Variants in UQCC1 observed in about 807,000 individuals in gnomAD.
UQCC1 encodes ubiquinol-cytochrome c reductase complex assembly factor 1.
Under a neutral mutation model 48.0 loss-of-function variants are expected in UQCC1, and 38 were observed. That is an observed-to-expected ratio of 0.79 (90% CI 0.61 to 1.04). The LOEUF (loss-of-function observed/expected upper bound fraction) is 1.04, where lower values mean the gene tolerates loss of function less well. Ranked by LOEUF, UQCC1 falls within the 50% of genes least tolerant of loss-of-function variation. UQCC1 has a pLI of 0.00. For missense variants in UQCC1, 368 were observed against 381.8 expected, an observed-to-expected ratio of 0.96 and a Z score of 0.30; for synonymous variants, 111 against 129.2, an observed-to-expected ratio of 0.86 and a Z score of 0.95.
chr20:35,337,563 T>C (rs2061328705), intron 7 of UQCC1, among the ~76,000 whole-genome samples: 1 of 152,172 alleles, frequency 6.6e-6, no homozygotes, highest in South Asian at 2.1e-4. Flanking sequence ...GATCTCTGGA[T>C]CAGATTATTT....
intron 9 of UQCC1, among the ~76,000 whole-genome samples, chr20:35,304,922 A>C (rs753882302): frequency 8.5e-5 from 13 of 152,048 alleles, no homozygotes; most frequent in African/African-American, 1.4e-4. Flanking sequence ...CTCTTCCCTA[A>C]AGCCCACTCC....
chr20:35,365,264 A>G lies in UQCC1; in HGVS notation c.464+1293T>C, dbSNP rs545152037. Among the ~76,000 whole-genome samples, 3 of 152,294 alleles carry G rather than the reference A, an allele frequency of 2.0e-5. No homozygotes were observed. The South Asian group carries it at 6.2e-4, about 32-fold the overall frequency. Reference sequence around the variant, plus strand: ...TATAATTGACCATTTTACACATCTTATCTCCCTCACTAGACTGTGAGCTTC... The same window carrying G: ...TATAATTGACCATTTTACACATCTTGTCTCCCTCACTAGACTGTGAGCTTC... On this transcript the variant is annotated intron_variant, in intron 6 of 9. Transcript: ENST00000374385.
chr20:35,314,622 G>T (rs1480278248), intron 8 of UQCC1, 66 bp downstream of exon 8: 6 of 1,372,956 alleles, frequency 4.4e-6, no homozygotes, highest in Non-Finnish European at 6.1e-6. Flanking sequence ...TCCCTCAGAG[G>T]CTCTCATCAA....
At chr20:35,404,348 T>G (rs1206068171) in intron 1 of UQCC1, among the ~76,000 whole-genome samples, 3 of 135,162 alleles carry the variant, frequency 2.2e-5, no homozygotes, top group East Asian at 2.2e-4. Context: ...CCAGCCTGGG[T>G]GACAGAGCGA....
At chr20:35,411,890 T>C (rs1409527268) in intron 1 of UQCC1, 50 bp downstream of exon 1, 5 of 1,613,564 alleles carry the variant, frequency 3.1e-6, no homozygotes, top group Non-Finnish European at 4.2e-6. Flanking sequence ...CTTGTCGAAC[T>C]CCAACCCGGG....
At chr20:35,396,643 T>G (rs1375141431) in intron 1 of UQCC1, among the ~76,000 whole-genome samples, 1 of 152,098 alleles carries the variant, frequency 6.6e-6, no homozygotes, top group African/African-American at 2.4e-5. Flanking sequence ...CAAGAGAGAT[T>G]AAATGGCTGT....
In UQCC1 at chr20:35,367,109, AC is replaced by A. The variant is rs1382023631; in HGVS notation, c.407-496del. 3.1e-4 allele frequency among the ~76,000 whole-genome samples: 46 copies of A among 147,964 alleles called. 4 individuals are homozygous for A. The highest frequency in any genetic ancestry group is 4.1e-4 in the Admixed American group (6 of 14,670). ...ACTCTGTCTAAAAAAAAAAAAAAAA[AC>A]AAACAAAAAAACAACCCATTGAATT... On this transcript the variant is annotated intron_variant, in intron 5 of 9. Coordinates refer to ENST00000374385, the MANE Select transcript of UQCC1 (RefSeq NM_018244.5).
At chr20:35,377,074 C>T (rs2061810817) in intron 4 of UQCC1, among the ~76,000 whole-genome samples, 2 of 151,984 alleles carry the variant, frequency 1.3e-5, no homozygotes, top group Admixed American at 1.3e-4. Context: ...TTCAATAAGG[C>T]CAACCTTATC....
intron 7 of UQCC1, among the ~76,000 whole-genome samples, chr20:35,342,030 A>G (rs1336368361): frequency 6.6e-6 from 1 of 152,202 alleles, no homozygotes; most frequent in Admixed American, 6.5e-5. Context: ...GCAGAATTAC[A>G]CAAGAGTCAA....
chr20:35,411,897 C>T (rs1336276227), intron 1 of UQCC1, 43 bp downstream of exon 1: 2 of 1,613,832 alleles, frequency 1.2e-6, no homozygotes, highest in Admixed American at 3.3e-5. Context: ...AACTCCAACC[C>T]GGGACCCAGA....
At chr20:35,395,503 T>C (rs1418319057) in intron 1 of UQCC1, among the ~76,000 whole-genome samples, 1 of 148,450 alleles carries the variant, frequency 6.7e-6, no homozygotes, top group Non-Finnish European at 1.5e-5. Context: ...GGGCTTATTA[T>C]AAATAAATAA....
rs150992559 is a variant in UQCC1, at chr20:35,390,960, T to C, written c.129+3132A>G. Among the ~76,000 whole-genome samples the C allele has an allele frequency of 6.8e-3, 1,042 of 152,130 alleles. 16 individuals carry two copies. Among genetic ancestry groups the C allele is most frequent in the African/African-American group, 0.024 (995 of 41,522 alleles). On this transcript the variant is annotated intron_variant, in intron 2 of 9. Transcript: ENST00000374385. ...CCTATAATCCCAGCACTTTGAGAGG[T>C]CGAGGTGGGCGGATCACCTCGGATC...
At chr20:35,403,570 C>T (rs559762294) in intron 1 of UQCC1, among the ~76,000 whole-genome samples, 323 of 152,128 alleles carry the variant, frequency 2.1e-3, no homozygotes, top group African/African-American at 7.4e-3. Context: ...GGTATATGCC[C>T]GAAGGATTAT....
At chr20:35,378,490 C>T (rs2061828856) in intron 4 of UQCC1, among the ~76,000 whole-genome samples, 1 of 151,970 alleles carries the variant, frequency 6.6e-6, no homozygotes, top group African/African-American at 2.4e-5. Context: ...ATTAGCTGGG[C>T]GTGGTGGCAG....
At chr20:35,410,715 A>G in intron 1 of UQCC1, among the ~76,000 whole-genome samples, 1 of 121,510 alleles carries the variant, frequency 8.2e-6, no homozygotes, top group Non-Finnish European at 1.7e-5. Flanking sequence ...AAAAAAAAAA[A>G]AAAAAAAAAC....
intron 7 of UQCC1, among the ~76,000 whole-genome samples, chr20:35,339,556 T>C (rs1239504141): frequency 1.3e-5 from 2 of 152,156 alleles, no homozygotes; most frequent in East Asian, 3.9e-4. Flanking sequence ...GAAGAATATG[T>C]ATTTGTGTGC....
At chr20:35,355,717 C>G (rs1346556050) in intron 6 of UQCC1, among the ~76,000 whole-genome samples, 1 of 152,144 alleles carries the variant, frequency 6.6e-6, no homozygotes, top group Non-Finnish European at 1.5e-5. Context: ...CTACCTTCAT[C>G]CCCTGCCAAC....
At chr20:35,393,318 TAAGTA>T (rs2146512578) in intron 2 of UQCC1, among the ~76,000 whole-genome samples, 1 of 152,272 alleles carries the variant, frequency 6.6e-6, no homozygotes, top group African/African-American at 2.4e-5. Flanking sequence ...TATCAAAGGC[TAAGTA>T]AATAAAATAT....
intron 6 of UQCC1, among the ~76,000 whole-genome samples, chr20:35,350,683 G>A (rs538393092): frequency 6.6e-6 from 1 of 151,848 alleles, no homozygotes; most frequent in South Asian, 2.1e-4. Flanking sequence ...GACAGAGTGA[G>A]ATTCCATCTG....
Sources: gnomAD v4.1 joint callset for allele counts (sites outside exome capture counted in the v4.1 genomes callset) on GRCh38, gnomAD v4.1.1 for gene constraint, MANE v1.5 for transcripts, NCBI Gene and HGNC (gene_info 2026-07-23, HGNC 2026-07-21) for gene names.